EYA2: variants seen among roughly 807,000 people sequenced by gnomAD.
The protein encoded by EYA2 is protein phosphatase EYA2.
Under a neutral mutation model 69.2 loss-of-function variants are expected in EYA2, and 31 were observed. The ratio of observed to expected loss-of-function variants is 0.45; its 90% CI spans 0.34 to 0.60. EYA2 has a LOEUF of 0.60. Ranked by LOEUF, EYA2 falls within the 20% of genes least tolerant of loss-of-function variation. The probability of loss-of-function intolerance (pLI) is 0.02; values close to 1 mark genes in which losing one functional copy is unlikely to be tolerated. For synonymous variants in EYA2, 257 were observed against 279.4 expected (o/e 0.92, Z 0.80); for missense variants, 622 against 701.2 (o/e 0.89, Z 1.28).
intron 1 of EYA2, among the ~76,000 whole-genome samples, chr20:46,922,830 A>G (rs6122537): frequency 0.12 from 17,539 of 152,184 alleles, 1,485 homozygotes; most frequent in East Asian, 0.48. Flanking sequence ...TTAAGAGAAA[A>G]TAATAGTCAC....
intron 5 of EYA2, among the ~76,000 whole-genome samples, chr20:47,033,034 C>A (rs1457712073): frequency 6.6e-6 from 1 of 152,212 alleles, no homozygotes; most frequent in Non-Finnish European, 1.5e-5. Flanking sequence ...ATCTCTGCTA[C>A]TCCAGCCCTA....
At chr20:47,063,968 C>T (rs1158626955) in intron 5 of EYA2, among the ~76,000 whole-genome samples, 1 of 152,162 alleles carries the variant, frequency 6.6e-6, no homozygotes, top group African/African-American at 2.4e-5. Context: ...GGCCCTCCAC[C>T]AGTAACAACA....
intron 9 of EYA2, among the ~76,000 whole-genome samples, chr20:47,099,884 AT>A (rs1210476998): frequency 2.0e-5 from 3 of 151,656 alleles, no homozygotes; most frequent in African/African-American, 4.8e-5. Flanking sequence ...GACCATGAAC[AT>A]TTTTTTTTAT....
intron 5 of EYA2, among the ~76,000 whole-genome samples, chr20:47,020,802 G>A (rs1038596315): frequency 6.6e-6 from 1 of 152,006 alleles, no homozygotes; most frequent in Non-Finnish European, 1.5e-5. Context: ...GAGGCTTTGG[G>A]AGACTAAATA....
intron 1 of EYA2, among the ~76,000 whole-genome samples, chr20:46,987,914 A>C (rs1600612512): frequency 6.6e-5 from 2 of 30,438 alleles, no homozygotes; most frequent in Admixed American, 3.8e-4. Flanking sequence ...AAGACAGAGT[A>C]AGTCTCTCTC....
chr20:47,087,829 C>A (rs999450368), intron 7 of EYA2, among the ~76,000 whole-genome samples: 18 of 152,256 alleles, frequency 1.2e-4, no homozygotes, highest in African/African-American at 4.3e-4. Context: ...CCATTCAAGT[C>A]ACCTCCTAAC....
chr20:47,068,878 A>G (rs1326166694), intron 5 of EYA2, among the ~76,000 whole-genome samples: 1 of 152,168 alleles, frequency 6.6e-6, no homozygotes, highest in African/African-American at 2.4e-5. Flanking sequence ...CGCTCATTTG[A>G]GTAGCCATTT....
At chr20:47,003,464 G>C (rs1041450805) in intron 3 of EYA2, among the ~76,000 whole-genome samples, 1 of 152,214 alleles carries the variant, frequency 6.6e-6, no homozygotes. Context: ...CTCAAATCCA[G>C]CTGATAGCAC....
At chr20:46,984,450 A>G (rs1176637060) in intron 1 of EYA2, among the ~76,000 whole-genome samples, 96 of 152,318 alleles carry the variant, frequency 6.3e-4, no homozygotes, top group Admixed American at 6.2e-3. Context: ...ACAATTTCCA[A>G]ACATTCATAT....
At chr20:47,172,474 G>A (rs1422668387) in intron 11 of EYA2, among the ~76,000 whole-genome samples, 24 of 152,118 alleles carry the variant, frequency 1.6e-4, no homozygotes, top group Admixed American at 1.3e-3. Flanking sequence ...ATAAATGAAA[G>A]GCAAATGGAT....
intron 10 of EYA2, among the ~76,000 whole-genome samples, chr20:47,156,439 G>A (rs1293650037): frequency 2.6e-5 from 4 of 151,650 alleles, no homozygotes; most frequent in Non-Finnish European, 2.9e-5. Context: ...CCAGGCATTC[G>A]GGCAGGCTGG....
At chr20:47,040,121 A>T (rs895726313) in intron 5 of EYA2, among the ~76,000 whole-genome samples, 3 of 152,118 alleles carry the variant, frequency 2.0e-5, no homozygotes, top group Admixed American at 1.3e-4. Context: ...GATTACAGGC[A>T]TGAGCCACCG....
intron 5 of EYA2, among the ~76,000 whole-genome samples, chr20:47,029,189 G>C (rs1984265787): frequency 6.6e-6 from 1 of 152,186 alleles, no homozygotes; most frequent in Non-Finnish European, 1.5e-5. Context: ...TTCAGGACAG[G>C]GTGTAAGAAG....
chr20:47,090,543 T>C (rs1354564062), intron 8 of EYA2, among the ~76,000 whole-genome samples: 7 of 152,098 alleles, frequency 4.6e-5, no homozygotes, highest in Admixed American at 3.3e-4. Flanking sequence ...CCCGGACTTT[T>C]TTTTTTTTAA....
At chr20:46,965,191 A>C (rs1401787215) in intron 1 of EYA2, among the ~76,000 whole-genome samples, 1 of 152,224 alleles carries the variant, frequency 6.6e-6, no homozygotes, top group Non-Finnish European at 1.5e-5. Flanking sequence ...GGTGAACCCT[A>C]AGCATGAGCC....
chr20:47,144,435 G>A (rs1033126981), intron 10 of EYA2, among the ~76,000 whole-genome samples: 1 of 152,080 alleles, frequency 6.6e-6, no homozygotes, highest in Non-Finnish European at 1.5e-5. Context: ...CTCTTAGTAG[G>A]AATATTTTTT....
chr20:47,008,685 CAGAGTAGAT>C (rs1213081851), intron 4 of EYA2, among the ~76,000 whole-genome samples: 8 of 152,320 alleles, frequency 5.3e-5, no homozygotes, highest in African/African-American at 1.9e-4. Context: ...CTGGATGATA[CAGAGTAGAT>C]GATAAGAGCA....
intron 1 of EYA2, among the ~76,000 whole-genome samples, chr20:46,926,576 C>T (rs1442312079): frequency 1.3e-5 from 2 of 152,144 alleles, no homozygotes; most frequent in South Asian, 2.1e-4. Flanking sequence ...GGGCCATGTA[C>T]TTTACTGAGT....
At chr20:46,980,055 A>G (rs1186262791) in intron 1 of EYA2, among the ~76,000 whole-genome samples, 4 of 152,184 alleles carry the variant, frequency 2.6e-5, no homozygotes, top group Non-Finnish European at 1.5e-5. Context: ...AGTAGACTTT[A>G]GAGCTGGATG....
Sources: gnomAD v4.1 joint callset for allele counts (sites outside exome capture counted in the v4.1 genomes callset) on GRCh38, gnomAD v4.1.1 for gene constraint, MANE v1.5 for transcripts, NCBI Gene and HGNC (gene_info 2026-07-23, HGNC 2026-07-21) for gene names.